The following DAB1 variants were observed in gnomAD, a reference collection of about 807,000 sequenced individuals.
DAB1 encodes disabled homolog 1.
DAB1 carries 15 observed loss-of-function variants against 64.6 expected under a neutral mutation model. The ratio of observed to expected loss-of-function variants is 0.23; its 90% CI spans 0.16 to 0.36. The LOEUF is 0.36. DAB1 is among the 10% of genes least tolerant of loss of function. The pLI, the probability that DAB1 is intolerant of heterozygous loss-of-function variation, is 1.00. For missense variants in DAB1, 596 were observed against 706.7 expected, an observed-to-expected ratio of 0.84 and a Z score of 1.78; for synonymous variants, 235 against 251.9, an observed-to-expected ratio of 0.93 and a Z score of 0.64.
intron 4 of DAB1, among the ~76,000 whole-genome samples, chr1:58,305,024 G>A (rs569061322): frequency 3.2e-4 from 48 of 152,082 alleles, no homozygotes; most frequent in Non-Finnish European, 5.3e-4. Flanking sequence ...ATGCTGCCCA[G>A]GCTGGAGTGC....
chr1:58,333,600 T>G (rs570536040), intron 4 of DAB1, among the ~76,000 whole-genome samples: 4 of 152,340 alleles, frequency 2.6e-5, no homozygotes, highest in East Asian at 3.9e-4. Context: ...CTAATTTGGC[T>G]TGGCAGGATT....
At chr1:58,402,337 C>A (rs1644577633) in intron 3 of DAB1, among the ~76,000 whole-genome samples, 1 of 152,204 alleles carries the variant, frequency 6.6e-6, no homozygotes, top group Non-Finnish European at 1.5e-5. Flanking sequence ...CACCCCCTTA[C>A]CCGCAAGAAA....
chr1:58,090,133 G>T (rs7554945), intron 5 of DAB1, among the ~76,000 whole-genome samples: 3,025 of 152,272 alleles, frequency 0.02, 86 homozygotes, highest in African/African-American at 0.068. Context: ...AGAGCCAGAG[G>T]GGAGGAGAGG....
intron 3 of DAB1, among the ~76,000 whole-genome samples, chr1:58,484,180 T>C (rs1293927104): frequency 6.6e-6 from 1 of 152,246 alleles, no homozygotes; most frequent in Non-Finnish European, 1.5e-5. Flanking sequence ...CCTGCCCTCA[T>C]GTAATTTACT....
In DAB1 at chr1:57,681,464, T is replaced by G. The variant is rs952272584; in HGVS notation, n.552-31799A>C. Among the ~76,000 whole-genome samples the G allele has an allele frequency of 3.3e-5, 5 of 152,232 alleles. No individual in the cohort carries two copies. In the East Asian group the frequency reaches 7.7e-4, roughly 23 times the overall value. On this transcript the variant is annotated intron_variant and non_coding_transcript_variant, in intron 6 of 20. Transcript: ENST00000485760. ...TGGGGAAAAAACTTTAACCCATTTC[T>G]CTATATATTTCTGCAGTGGCCAATC... is the stretch of plus-strand genomic sequence containing the variant.
chr1:58,103,792 C>T (rs75088723), intron 5 of DAB1, among the ~76,000 whole-genome samples: 4,243 of 152,234 alleles, frequency 0.028, 180 homozygotes, highest in African/African-American at 0.097. Context: ...CAAACTTCCA[C>T]CCTGTCTCTG....
chr1:57,569,824 C>G (rs1234407849), intron 7 of DAB1, among the ~76,000 whole-genome samples: 2 of 152,144 alleles, frequency 1.3e-5, no homozygotes, highest in Non-Finnish European at 2.9e-5. Flanking sequence ...GATTTCACAT[C>G]AGCATTTAAA....
chr1:58,156,505 G>A (rs1268621015), intron 4 of DAB1, among the ~76,000 whole-genome samples: 5 of 152,132 alleles, frequency 3.3e-5, no homozygotes, highest in African/African-American at 4.8e-5. Context: ...TGTTCCACAA[G>A]GAACCACAGT....
At chr1:58,538,820 T>G in intron 1 of DAB1, 1 of 847,192 alleles carries the variant, frequency 1.2e-6, no homozygotes, top group Non-Finnish European at 2.0e-6. Context: ...GCAAATAACT[T>G]CTGTACTGGT....
intron 7 of DAB1, among the ~76,000 whole-genome samples, chr1:57,527,500 GA>G: frequency 6.6e-6 from 1 of 152,160 alleles, no homozygotes; most frequent in South Asian, 2.1e-4. Context: ...GACAGAGGCA[GA>G]AAGATTTTTC....
intron 3 of DAB1, among the ~76,000 whole-genome samples, chr1:57,140,073 C>T (rs1212551705): frequency 2.0e-5 from 3 of 152,166 alleles, no homozygotes; most frequent in African/African-American, 7.2e-5. Flanking sequence ...ACGGGCTCAT[C>T]TCCCCACAAG....
At chr1:57,689,084 TA>T (rs1455595872) in intron 6 of DAB1, among the ~76,000 whole-genome samples, 1 of 152,156 alleles carries the variant, frequency 6.6e-6, no homozygotes, top group Non-Finnish European at 1.5e-5. Flanking sequence ...AATTATTTTT[TA>T]AAAAAGAAGA....
intron 6 of DAB1, among the ~76,000 whole-genome samples, chr1:57,657,636 A>G (rs897984131): frequency 6.6e-6 from 1 of 152,210 alleles, no homozygotes; most frequent in Admixed American, 6.5e-5. Flanking sequence ...GGCATCTAGA[A>G]GTTAGTTTGA....
chr1:57,633,387 T>A (rs1159098401), intron 7 of DAB1, among the ~76,000 whole-genome samples: 2 of 152,192 alleles, frequency 1.3e-5, no homozygotes, highest in African/African-American at 4.8e-5. Flanking sequence ...TTCTAGTAAG[T>A]TCCCTGGTGA....
At chr1:57,788,153 A>G (rs1335894557) in intron 6 of DAB1, among the ~76,000 whole-genome samples, 1 of 152,186 alleles carries the variant, frequency 6.6e-6, no homozygotes, top group Non-Finnish European at 1.5e-5. Flanking sequence ...CAGCAATTCC[A>G]TTCTTAGATA....
At chr1:57,900,415 TAG>T (rs1211586722) in intron 5 of DAB1, among the ~76,000 whole-genome samples, 1 of 152,154 alleles carries the variant, frequency 6.6e-6, no homozygotes, top group Non-Finnish European at 1.5e-5. Context: ...GCTTCGTTAT[TAG>T]AGTCAGCCTA....
At position 57,351,990 on chromosome 1, in the gene DAB1, A is replaced by G. The variant is rs192655430; in HGVS notation, c.-136-60824T>C. The stretch of plus-strand genomic sequence containing the variant: ...AAAGTAGAGAAACAATCAAAACTAA[A>G]TGCAAAACATGAATACCTATAATCC... On this transcript the variant is annotated intron_variant, in intron 1 of 14. Transcript: ENST00000371236. 3.0e-3 allele frequency among the ~76,000 whole-genome samples: 458 copies of G among 152,306 alleles called. 1 individual carries two copies. The highest frequency in any genetic ancestry group is 4.3e-3 in the Non-Finnish European group (292 of 68,018).
chr1:57,439,418 G>GTTTTTTGTTTTTTTTTTTTTTTTTTT, intron 7 of DAB1, among the ~76,000 whole-genome samples: 1 of 116,140 alleles, frequency 8.6e-6, no homozygotes, highest in African/African-American at 3.5e-5. Context: ...TGGTGATGAG[G>GTTTTTTGTTTTTTTTTTTTTTTTTTT]TTTTTTCTTT....
At chr1:58,381,299 TA>T (rs1644386698) in intron 3 of DAB1, among the ~76,000 whole-genome samples, 1 of 151,624 alleles carries the variant, frequency 6.6e-6, no homozygotes, top group East Asian at 1.9e-4. Flanking sequence ...TCCCCGAACT[TA>T]AAATAAAAGT....
Sources: allele counts gnomAD v4.1 joint callset (sites outside exome capture counted in the v4.1 genomes callset), GRCh38; gene constraint gnomAD v4.1.1; transcripts MANE v1.5; gene names NCBI Gene and HGNC (gene_info 2026-07-23, HGNC 2026-07-21).